Variants in URB2 observed in about 807,000 individuals in gnomAD.
URB2 encodes unhealthy ribosome biogenesis protein 2 homolog.
URB2 carries 86 observed loss-of-function variants against 120.9 expected under a neutral mutation model. The observed-to-expected ratio is 0.71, with a 90% CI of 0.60 to 0.85. The LOEUF (loss-of-function observed/expected upper bound fraction) is 0.85. URB2 is among the 40% of genes least tolerant of loss of function. URB2 has a pLI of 0.00. For missense variants in URB2, 1,765 were observed against 1,836.5 expected, an observed-to-expected ratio of 0.96 and a Z score of 0.71; for synonymous variants, 755 against 758.4, an observed-to-expected ratio of 1.00 and a Z score of 0.07.
rs1384008626 is a variant in URB2, at chr1:229,635,667, G to T, written c.1054G>T (p.Asp352Tyr). Reference protein sequence around the residue: ...EEQSKALSTSDWTTELLVVEQ... With the variant: ...EEQSKALSTSYWTTELLVVEQ... ...GCAGAGCAAAGCCCTGTCCACATCAGATTGGACCACAGAGCTTTTGGTTGT... is the reference window on the plus strand; with the variant it reads ...GCAGAGCAAAGCCCTGTCCACATCATATTGGACCACAGAGCTTTTGGTTGT... The change falls in exon 4 of 10, where the codon GAT (aspartate) becomes TAT (tyrosine). Residue 352 changes from aspartate (D) to tyrosine (Y), a missense_variant. Transcript: ENST00000258243. 3 of 1,614,102 alleles carry T rather than the reference G, an allele frequency of 1.9e-6. No homozygotes were observed. In the South Asian group the frequency reaches 3.3e-5, roughly 18 times the overall value.
chr1:229,655,852 G>T (rs1666394708), intron 9 of URB2, among the ~76,000 whole-genome samples: 1 of 152,240 alleles, frequency 6.6e-6, no homozygotes, highest in African/African-American at 2.4e-5. Flanking sequence ...GTCCAGGGAG[G>T]CTGGGTTGAA....
At position 229,643,597 on chromosome 1, in the gene URB2, A is replaced by G. The variant is rs1666064415; in HGVS notation, c.3699A>G (p.Gln1233=). 2 of 1,614,006 alleles carry G rather than the reference A, an allele frequency of 1.2e-6. No individual in the cohort carries two copies. Among genetic ancestry groups the G allele is most frequent in the African/African-American group, 1.3e-5 (1 of 74,912 alleles). Residue 1233 remains glutamine, a synonymous_variant, in exon 5 of 10, where the codon CAA becomes CAG. Transcript: ENST00000258243. ...CTCATTTGGGAGCCTTGTTCACCCAAATGTTAGAGGTTGGGACGACAGAGG... is the reference window on the plus strand; with the variant it reads ...CTCATTTGGGAGCCTTGTTCACCCAGATGTTAGAGGTTGGGACGACAGAGG... The part of the protein sequence containing the change: ...IEPHLGALFT[Q]MLEVGTTEDL...
chr1:229,659,077 C>G (rs202048318), intron 9 of URB2, 23 bp from the exon 10 acceptor site: 1 of 1,603,328 alleles, frequency 6.2e-7, no homozygotes, highest in Admixed American at 1.7e-5. Flanking sequence ...ATTGTTCTCA[C>G]AGAGGTTTGC....
chr1:229,656,372 G>C (rs1049090724), intron 9 of URB2, among the ~76,000 whole-genome samples: 22 of 152,036 alleles, frequency 1.4e-4, no homozygotes, highest in Non-Finnish European at 2.9e-5. Context: ...TGGCTTCCTG[G>C]CCTCATTATT....
At chr1:229,645,598 G>A (rs1666123084) in intron 5 of URB2, among the ~76,000 whole-genome samples, 1 of 152,136 alleles carries the variant, frequency 6.6e-6, no homozygotes, top group Non-Finnish European at 1.5e-5. Context: ...TTACGTGCTT[G>A]ATTTAGTGAA....
intron 8 of URB2, 61 bp from the exon 9 acceptor site, chr1:229,654,188 A>G (rs1666348032): frequency 1.3e-6 from 2 of 1,597,700 alleles, no homozygotes; most frequent in Non-Finnish European, 1.7e-6. Flanking sequence ...AGTCTAACAT[A>G]GAAGAGTTAA....
intron 4 of URB2, among the ~76,000 whole-genome samples, chr1:229,642,827 T>TA (rs1222050831): frequency 1.3e-5 from 2 of 152,132 alleles, no homozygotes; most frequent in Admixed American, 6.5e-5. Flanking sequence ...CCCAGCACAG[T>TA]AAAAAATTCC....
In URB2 at chr1:229,635,156, C is replaced by T. The variant is rs1665763075; in HGVS notation, c.543C>T (p.Leu181=). The T allele has an allele frequency of 1.2e-6, 2 of 1,614,118 alleles. No homozygotes were observed. Among genetic ancestry groups the T allele is most frequent in the Non-Finnish European group, 1.7e-6 (2 of 1,179,942 alleles). The change falls in exon 4 of 10, where the codon CTC becomes CTT. Residue 181 remains leucine (L), a synonymous_variant. Transcript: ENST00000258243. ...TTCACCTGGCCCTTGGCCATTATCT[C>T]TTGATCCTGCAGCAGCAGGTCAACC... ...EVIHLALGHY[L]LILQQQVNPR... is the part of the protein sequence containing the mutation.
At chr1:229,643,410 A>T in intron 4 of URB2, 123 bp from the exon 5 acceptor site, 1 of 1,120,062 alleles carries the variant, frequency 8.9e-7, no homozygotes, top group Non-Finnish European at 1.3e-6. Flanking sequence ...TGCTTATATC[A>T]CCATGCCCCT....
chr1:229,632,616 A>G (rs1481674100), intron 3 of URB2, among the ~76,000 whole-genome samples, 171 bp downstream of exon 3: 9 of 152,226 alleles, frequency 5.9e-5, no homozygotes, highest in Non-Finnish European at 1.5e-5. Context: ...TGTGTATCAT[A>G]TGCTCTAAGC....
chr1:229,629,555 T>G (rs1665610890), intron 2 of URB2, among the ~76,000 whole-genome samples: 1 of 152,328 alleles, frequency 6.6e-6, no homozygotes, highest in Non-Finnish European at 1.5e-5. Context: ...GCAATAGCAT[T>G]ATGCCTAAAA....
At position 229,635,485 on chromosome 1, in the gene URB2, G is replaced by A. The variant is rs1665780121; in HGVS notation, c.872G>A (p.Cys291Tyr). 1 of 1,613,484 alleles carries A rather than the reference G, an allele frequency of 6.2e-7. No homozygotes were observed. Among genetic ancestry groups the A allele is most frequent in the Admixed American group, 1.7e-5 (1 of 59,956 alleles). The change falls in exon 4 of 10, where the codon TGT becomes TAT. Residue 291 changes from cysteine to tyrosine, a missense_variant. Coordinates refer to ENST00000258243, the MANE Select transcript of URB2 (RefSeq NM_014777.4). ...AACAGGCTGGTTGATGCTGGCTACTGTGCAGCATCCCTTCATACCTCTGTT... is the reference window on the plus strand; with the variant it reads ...AACAGGCTGGTTGATGCTGGCTACTATGCAGCATCCCTTCATACCTCTGTT... The part of the protein sequence containing the change: ...VLNRLVDAGY[C>Y]AASLHTSVVA...
At chr1:229,656,363 G>A (rs1450466066) in intron 9 of URB2, among the ~76,000 whole-genome samples, 1 of 152,120 alleles carries the variant, frequency 6.6e-6, no homozygotes, top group African/African-American at 2.4e-5. Context: ...AAAAGCCTCT[G>A]GCTTCCTGGC....
chr1:229,652,850 C>T (rs1666312848), intron 8 of URB2, among the ~76,000 whole-genome samples: 1 of 152,276 alleles, frequency 6.6e-6, no homozygotes, highest in Non-Finnish European at 1.5e-5. Flanking sequence ...TGAGGAAGCA[C>T]AGGAGCACAT....
At chr1:229,626,793 T>C in intron 1 of URB2, among the ~76,000 whole-genome samples, 1 of 152,242 alleles carries the variant, frequency 6.6e-6, no homozygotes, top group South Asian at 2.1e-4. Flanking sequence ...GGCGGTTCTA[T>C]GGTATTGAAC....
At chr1:229,654,425 G>C in intron 9 of URB2, 37 bp downstream of exon 9, 1 of 1,612,394 alleles carries the variant, frequency 6.2e-7, no homozygotes. Flanking sequence ...CAAGTACTGT[G>C]TTTATGGTCC....
intron 4 of URB2, among the ~76,000 whole-genome samples, chr1:229,642,582 C>T (rs979270868): frequency 2.0e-5 from 3 of 152,052 alleles, no homozygotes; most frequent in Non-Finnish European, 4.4e-5. Context: ...TGGCTTTGGG[C>T]GTTATTGTGA....
rs1665793497 is a variant in URB2 at position 229,635,866 on chromosome 1, T to A, written c.1253T>A (p.Leu418Gln). The A allele has an allele frequency of 6.2e-7, 1 of 1,614,100 alleles. No homozygotes were observed. The highest frequency in any genetic ancestry group is 8.5e-7 in the Non-Finnish European group (1 of 1,180,044). ...CGCTGTCTGAAGACTTTGATATCTCTGAATCATTTGATTTTGGAGCCAGAC... is the reference window on the plus strand; with the variant it reads ...CGCTGTCTGAAGACTTTGATATCTCAGAATCATTTGATTTTGGAGCCAGAC... ...WFRCLKTLIS[L>Q]NHLILEPDLD... Residue 418 changes from leucine to glutamine, a missense_variant, in exon 4 of 10, where the codon CTG becomes CAG. Leu to Gln is a moderately radical substitution (Grantham distance 113). Coordinates refer to ENST00000258243, the MANE Select transcript of URB2 (RefSeq NM_014777.4).
chr1:229,637,432 A>G lies in URB2; in HGVS notation c.2819A>G (p.Lys940Arg), dbSNP rs1366296955. Reference protein sequence around the residue: ...GCSCSSSLALKFLTTCYQLLG... With the variant: ...GCSCSSSLALRFLTTCYQLLG... ...TCTTGCTCCTCCTCACTGGCTCTCAAGTTCTTGACGACTTGCTACCAACTT... is the reference window on the plus strand; with the variant it reads ...TCTTGCTCCTCCTCACTGGCTCTCAGGTTCTTGACGACTTGCTACCAACTT... Residue 940 changes from lysine (K) to arginine (R), a missense_variant, in exon 4 of 10, where the codon AAG (lysine) becomes AGG (arginine). By Grantham distance (26) the Lys-to-Arg change is conservative. Coordinates refer to ENST00000258243, the MANE Select transcript of URB2 (RefSeq NM_014777.4). The G allele has an allele frequency of 1.2e-6, 2 of 1,614,044 alleles. No homozygotes were observed. Among genetic ancestry groups the G allele is most frequent in the Non-Finnish European group, 1.7e-6 (2 of 1,180,054 alleles).
Sources: gnomAD v4.1 joint callset for allele counts (sites outside exome capture counted in the v4.1 genomes callset) on GRCh38, gnomAD v4.1.1 for gene constraint, MANE v1.5 for transcripts, NCBI Gene and HGNC (gene_info 2026-07-23, HGNC 2026-07-21) for gene names.